Variants in AUTS2 observed in about 807,000 individuals in gnomAD.
AUTS2 encodes activator of transcription and developmental regulator AUTS2, also known as autism susceptibility gene 2 protein.
Under a neutral mutation model 112.4 loss-of-function variants are expected in AUTS2, and 17 were observed. That is an observed-to-expected ratio of 0.15 (90% CI 0.10 to 0.23). AUTS2 has a LOEUF of 0.23. Among genes scored for constraint, AUTS2 ranks in the 10% least tolerant of loss-of-function variants. The probability of loss-of-function intolerance (pLI) is 1.00; values close to 1 mark genes in which losing one functional copy is unlikely to be tolerated. For missense variants in AUTS2, 1,510 were observed against 1,701.6 expected, an observed-to-expected ratio of 0.89 and a Z score of 1.98; for synonymous variants, 751 against 702.7, an observed-to-expected ratio of 1.07 and a Z score of -1.09.
intron 5 of AUTS2, among the ~76,000 whole-genome samples, chr7:70,463,735 T>C (rs1023325979): frequency 1.3e-5 from 2 of 152,218 alleles, no homozygotes; most frequent in African/African-American, 4.8e-5. Context: ...ACCTTTGTTC[T>C]TGTGTGTTTG....
chr7:70,217,020 G>A (rs552376491), intron 4 of AUTS2, among the ~76,000 whole-genome samples: 99 of 151,992 alleles, frequency 6.5e-4, no homozygotes, highest in South Asian at 2.7e-3. Flanking sequence ...AGCAATTTTC[G>A]TGTTTCTGTG....
chr7:69,819,070 A>C (rs1790877755), intron 1 of AUTS2, among the ~76,000 whole-genome samples: 1 of 152,164 alleles, frequency 6.6e-6, no homozygotes, highest in Non-Finnish European at 1.5e-5. Flanking sequence ...GGTGTGCCTG[A>C]GTTTTGTGGA....
chr7:70,603,680 C>T (rs937680408), intron 5 of AUTS2, among the ~76,000 whole-genome samples: 1 of 152,146 alleles, frequency 6.6e-6, no homozygotes, highest in Non-Finnish European at 1.5e-5. Context: ...CGAGGAGGAG[C>T]CTGCAAATGT....
chr7:70,290,615 C>T (rs1788666102), intron 4 of AUTS2: 1 of 1,427,000 alleles, frequency 7.0e-7, no homozygotes, highest in Non-Finnish European at 9.1e-7. Context: ...CACTTCCCTC[C>T]TTTTCATTTG....
At chr7:70,255,438 T>A (rs1786817753) in intron 4 of AUTS2, among the ~76,000 whole-genome samples, 1 of 151,758 alleles carries the variant, frequency 6.6e-6, no homozygotes, top group Admixed American at 6.6e-5. Context: ...CAAAAAAAAA[T>A]AATGATGAAA....
intron 5 of AUTS2, among the ~76,000 whole-genome samples, chr7:70,572,396 T>G (rs539860533): frequency 1.4e-5 from 2 of 141,378 alleles, no homozygotes; most frequent in African/African-American, 5.2e-5. Flanking sequence ...GGAATCATAA[T>G]AGCTTATTTC....
At chr7:70,762,343 C>T (rs1349879513) in intron 6 of AUTS2, among the ~76,000 whole-genome samples, 1 of 152,102 alleles carries the variant, frequency 6.6e-6, no homozygotes, top group Non-Finnish European at 1.5e-5. Flanking sequence ...CGCTACGTTG[C>T]CCAGGGTGCT....
chr7:70,555,951 C>T (rs1801230910), intron 5 of AUTS2, among the ~76,000 whole-genome samples: 1 of 151,978 alleles, frequency 6.6e-6, no homozygotes, highest in African/African-American at 2.4e-5. Flanking sequence ...ACTACAGGTG[C>T]CCACCACCAT....
chr7:70,340,163 A>AACACACACACACACAC (rs71077652), intron 4 of AUTS2, among the ~76,000 whole-genome samples: 3,419 of 144,702 alleles, frequency 0.024, 49 homozygotes, highest in Middle Eastern at 0.042. Context: ...TATGGAGAGA[A>AACACACACACACACAC]ACACACACAC....
intron 5 of AUTS2, among the ~76,000 whole-genome samples, chr7:70,586,962 C>G (rs1428359525): frequency 1.3e-5 from 2 of 152,144 alleles, no homozygotes; most frequent in African/African-American, 4.8e-5. Flanking sequence ...TTTGGAATCT[C>G]CATTTGAGTA....
intron 4 of AUTS2, among the ~76,000 whole-genome samples, chr7:70,386,495 C>T (rs1213466238): frequency 2.6e-5 from 4 of 152,164 alleles, no homozygotes; most frequent in African/African-American, 7.2e-5. Flanking sequence ...TTTTCATCAA[C>T]TAAAAAGAAT....
chr7:70,439,517 C>T (rs1031549262), intron 5 of AUTS2, among the ~76,000 whole-genome samples: 19 of 131,322 alleles, frequency 1.4e-4, no homozygotes, highest in South Asian at 2.5e-4. Flanking sequence ...CCAGCCTGGG[C>T]GACAGGGCGA....
At chr7:69,691,899 G>C (rs936643413) in intron 1 of AUTS2, among the ~76,000 whole-genome samples, 4 of 152,126 alleles carry the variant, frequency 2.6e-5, no homozygotes, top group Non-Finnish European at 5.9e-5. Flanking sequence ...CAGGCATGTA[G>C]AAGTTAGACA....
chr7:70,058,436 AC>A (rs554929335), intron 2 of AUTS2, among the ~76,000 whole-genome samples: 1 of 151,672 alleles, frequency 6.6e-6, no homozygotes, highest in South Asian at 2.1e-4. Flanking sequence ...GTTTCCATGT[AC>A]CCCCCCGCTA....
chr7:70,560,730 T>C (rs1243472035), intron 5 of AUTS2, among the ~76,000 whole-genome samples: 1 of 152,266 alleles, frequency 6.6e-6, no homozygotes. Flanking sequence ...TTTATTTTGC[T>C]TCACTGCTAG....
At chr7:70,757,406 G>C (rs2129556180) in intron 6 of AUTS2, among the ~76,000 whole-genome samples, 1 of 152,058 alleles carries the variant, frequency 6.6e-6, no homozygotes, top group Admixed American at 6.5e-5. Flanking sequence ...TATATTTTTT[G>C]TAAACAGTTT....
At chr7:70,214,534 T>C (rs1176188195) in intron 4 of AUTS2, among the ~76,000 whole-genome samples, 3 of 152,190 alleles carry the variant, frequency 2.0e-5, no homozygotes, top group African/African-American at 4.8e-5. Flanking sequence ...TTTTCCAGTA[T>C]GTCAGGCATA....
intron 1 of AUTS2, among the ~76,000 whole-genome samples, chr7:69,879,868 T>C (rs1399926048): frequency 6.6e-6 from 1 of 152,162 alleles, no homozygotes; most frequent in Non-Finnish European, 1.5e-5. Flanking sequence ...GGTGTGATCA[T>C]AGGTTGCTGC....
intron 5 of AUTS2, among the ~76,000 whole-genome samples, chr7:70,542,729 G>A (rs1800603938): frequency 6.6e-6 from 1 of 152,212 alleles, no homozygotes; most frequent in South Asian, 2.1e-4. Context: ...GGGGCTCAAA[G>A]AGTAGAAGAG....
Sources: allele counts gnomAD v4.1 joint callset (sites outside exome capture counted in the v4.1 genomes callset), GRCh38; gene constraint gnomAD v4.1.1; transcripts MANE v1.5; gene names NCBI Gene and HGNC (gene_info 2026-07-23, HGNC 2026-07-21).